MIOS: variants seen among roughly 807,000 people sequenced by gnomAD.
MIOS encodes the protein meiosis regulator for oocyte development.
In MIOS, 52 loss-of-function variants were observed where a neutral mutation model predicts 96.9. The ratio of observed to expected loss-of-function variants is 0.54; its 90% CI spans 0.43 to 0.68. The LOEUF is 0.68. Among genes scored for constraint, MIOS ranks in the 30% least tolerant of loss-of-function variants. The probability of loss-of-function intolerance (pLI) is 0.00; values close to 1 mark genes in which losing one functional copy is unlikely to be tolerated. For synonymous variants in MIOS, 397 were observed against 359.5 expected (o/e 1.10, Z -1.18); for missense variants, 1,005 against 1,052.8 (o/e 0.95, Z 0.63).
At chr7:7,584,407 C>T (rs1210890686) in intron 6 of MIOS, among the ~76,000 whole-genome samples, 1 of 152,138 alleles carries the variant, frequency 6.6e-6, no homozygotes, top group Admixed American at 6.5e-5. Flanking sequence ...TCGATTTAAA[C>T]ACCCATACTA....
intron 5 of MIOS, chr7:7,582,680 G>A: frequency 1.1e-6 from 1 of 917,980 alleles, no homozygotes; most frequent in Non-Finnish European, 1.3e-6. Context: ...AGACAGTAGG[G>A]ATACCTTGTG....
rs532403197 is a variant in MIOS at position 7,590,841 on chromosome 7, C to G, written c.2043+1278C>G. Reference sequence around the variant, plus strand: ...TCACCTGACACATCATGCTTTCTTTCTACTTTACCCTTTCTTATGTCACTC... The same window carrying G: ...TCACCTGACACATCATGCTTTCTTTGTACTTTACCCTTTCTTATGTCACTC... On this transcript the variant is annotated intron_variant, in intron 9 of 12. Coordinates refer to ENST00000340080, the MANE Select transcript of MIOS (RefSeq NM_019005.4). Among the ~76,000 whole-genome samples the G allele has an allele frequency of 1.2e-4, 19 of 152,286 alleles. No homozygotes were observed. The East Asian group carries it at 3.5e-3, about 28-fold the overall frequency.
At chr7:7,600,456 G>C (rs1245694922) in intron 11 of MIOS, among the ~76,000 whole-genome samples, 1 of 152,098 alleles carries the variant, frequency 6.6e-6, no homozygotes, top group Non-Finnish European at 1.5e-5. Context: ...AACCAACAAA[G>C]ATCAAAAGAG....
chr7:7,603,883 T>A (rs1784449373), intron 11 of MIOS, among the ~76,000 whole-genome samples: 1 of 151,186 alleles, frequency 6.6e-6, no homozygotes, highest in Non-Finnish European at 1.5e-5. Context: ...TATGCAGCCA[T>A]AAAAAATGAT....
At chr7:7,578,411 G>C (rs1410336963) in intron 5 of MIOS, among the ~76,000 whole-genome samples, 1 of 152,112 alleles carries the variant, frequency 6.6e-6, no homozygotes, top group African/African-American at 2.4e-5. Flanking sequence ...TACAGTTCCG[G>C]CTACTCAGGA....
At chr7:7,596,052 A>T (rs915689864) in intron 10 of MIOS, among the ~76,000 whole-genome samples, 1 of 152,210 alleles carries the variant, frequency 6.6e-6, no homozygotes, top group Non-Finnish European at 1.5e-5. Context: ...TAGTAAGAAT[A>T]TAATTAAAAA....
chr7:7,588,442 A>G (rs971584506), intron 7 of MIOS, 56 bp from the exon 8 acceptor site: 5 of 1,146,332 alleles, frequency 4.4e-6, no homozygotes, highest in Non-Finnish European at 6.1e-6. Flanking sequence ...AGTCTCTGCA[A>G]AAATTTAAAA....
chr7:7,601,278 A>G (rs375763601), intron 11 of MIOS, among the ~76,000 whole-genome samples: 1 of 151,862 alleles, frequency 6.6e-6, no homozygotes, highest in Non-Finnish European at 1.5e-5. Flanking sequence ...TGAATCCAGG[A>G]GCTGGTTTTT....
rs188302114 is a variant in MIOS, at chr7:7,581,530, A to C, written c.1394-1588A>C. Among the ~76,000 whole-genome samples, 779 of 152,260 alleles carry C rather than the reference A, an allele frequency of 5.1e-3. 9 individuals are homozygous for C. The highest frequency in any genetic ancestry group is 0.018 in the African/African-American group (745 of 41,550). ...TGGGTCCTCTGTTGAGAGTCTCAAA[A>C]AGGCTAACCAGAAGGTATCAGCCAA... is the stretch of plus-strand genomic sequence containing the variant. On this transcript the variant is annotated intron_variant, in intron 5 of 12. Coordinates refer to ENST00000340080, the MANE Select transcript of MIOS (RefSeq NM_019005.4).
rs78415937 is a variant in MIOS at position 7,584,728 on chromosome 7, T to G, written c.1649-908T>G. ...GAATCAAGAAATAGATTAAGAAAACTTATATAATAAGTGTAGAAAATACTT... is the reference window on the plus strand; with the variant it reads ...GAATCAAGAAATAGATTAAGAAAACGTATATAATAAGTGTAGAAAATACTT... On this transcript the variant is annotated intron_variant, in intron 6 of 12. Coordinates refer to ENST00000340080, the MANE Select transcript of MIOS (RefSeq NM_019005.4). Among the ~76,000 whole-genome samples, 528 of 152,178 alleles carry G rather than the reference T, an allele frequency of 3.5e-3. 8 individuals carry two copies. Among genetic ancestry groups the G allele is most frequent in the African/African-American group, 0.011 (460 of 41,538 alleles).
intron 10 of MIOS, among the ~76,000 whole-genome samples, 200 bp downstream of exon 10, chr7:7,595,332 G>A (rs538708991): frequency 9.2e-5 from 14 of 152,184 alleles, no homozygotes; most frequent in South Asian, 4.1e-4. Context: ...AGCTTTAGTC[G>A]CAGATAGAAC....
chr7:7,577,645 T>C (rs2115376303), intron 5 of MIOS, among the ~76,000 whole-genome samples: 1 of 152,288 alleles, frequency 6.6e-6, no homozygotes, highest in Non-Finnish European at 1.5e-5. Flanking sequence ...CACAGGTTTC[T>C]TTAGCTTTAG....
At chr7:7,587,801 G>A (rs6966277) in intron 7 of MIOS, among the ~76,000 whole-genome samples, 39,860 of 152,086 alleles carry the variant, frequency 0.26, 5,389 homozygotes, top group Middle Eastern at 0.38. Context: ...GATGACTTCA[G>A]TGGAAATTGG....
chr7:7,593,547 C>A (rs1350799462), intron 9 of MIOS, among the ~76,000 whole-genome samples: 1 of 152,034 alleles, frequency 6.6e-6, no homozygotes, highest in Non-Finnish European at 1.5e-5. Context: ...TCTCCTTTCT[C>A]CATTATGTAA....
chr7:7,598,425 A>G (rs922328090), intron 11 of MIOS, among the ~76,000 whole-genome samples: 1 of 152,218 alleles, frequency 6.6e-6, no homozygotes, highest in Admixed American at 6.5e-5. Flanking sequence ...TAAAGAAATG[A>G]AGAGAATATG....
rs774528984 is a variant in MIOS, at chr7:7,573,551, C to T, written c.1076C>T (p.Ala359Val). The change falls in exon 4 of 13, where the codon GCC becomes GTC. Residue 359 changes from alanine (A) to valine (V), a missense_variant. Transcript: ENST00000340080. This position sits in a 1 kb window ranked among gnomAD's most constrained non-coding sequence, Gnocchi z 5.0. ...DFTVFERISL[A>V]WSPITSLMWA... ...ACTGTTTTTGAAAGGATATCTCTTG[C>T]CTGGAGCCCAATTACATCTTTAATG... The T allele has an allele frequency of 6.2e-7, 1 of 1,614,058 alleles. No homozygotes were observed. Among genetic ancestry groups the T allele is most frequent in the Non-Finnish European group, 8.5e-7 (1 of 1,179,912 alleles).
intron 11 of MIOS, among the ~76,000 whole-genome samples, chr7:7,603,770 T>A (rs1563048030): frequency 6.6e-6 from 1 of 152,154 alleles, no homozygotes; most frequent in Non-Finnish European, 1.5e-5. Context: ...CACGTATGTT[T>A]ATTGCAGCAC....
chr7:7,585,755 G>A lies in MIOS; in HGVS notation c.1768G>A (p.Val590Ile). 2 of 1,611,744 alleles carry A rather than the reference G, an allele frequency of 1.2e-6. No homozygotes were observed. The highest frequency in any genetic ancestry group is 8.5e-7 in the Non-Finnish European group (1 of 1,178,914). The part of the protein sequence containing the change: ...RLQLNNPYLC[V>I]MFAFLTSETG... ...ACAGCTAAATAACCCGTATTTGTGT[G>A]TCATGTTTGCATTTCTGACAAGTGA... The change falls in exon 7 of 13, where the codon GTC becomes ATC. Residue 590 changes from valine to isoleucine, a missense_variant. Val to Ile is a conservative substitution (Grantham distance 29, BLOSUM62 3). Coordinates refer to ENST00000340080, the MANE Select transcript of MIOS (RefSeq NM_019005.4).
At chr7:7,602,578 T>C (rs1415269508) in intron 11 of MIOS, among the ~76,000 whole-genome samples, 4 of 152,008 alleles carry the variant, frequency 2.6e-5, no homozygotes, top group Middle Eastern at 3.2e-3. Flanking sequence ...TAAAAGAGGA[T>C]ACAAACAAAT....
Sources: allele counts gnomAD v4.1 joint callset (sites outside exome capture counted in the v4.1 genomes callset), GRCh38; gene constraint gnomAD v4.1.1; non-coding constraint Gnocchi (gnomAD v3.1); transcripts MANE v1.5; gene names NCBI Gene and HGNC (gene_info 2026-07-23, HGNC 2026-07-21).